Variants in NALCN observed in about 807,000 individuals in gnomAD.
The protein encoded by NALCN is sodium leak channel, non-selective.
In NALCN, 111 loss-of-function variants were observed where a neutral mutation model predicts 225.3. That is an observed-to-expected ratio of 0.49 (90% CI 0.42 to 0.58). The LOEUF is 0.58. Ranked by LOEUF, NALCN falls within the 20% of genes least tolerant of loss-of-function variation. NALCN has a pLI of 0.00. For synonymous variants in NALCN, 764 were observed against 769.0 expected, an observed-to-expected ratio of 0.99 and a Z score of 0.11; for missense variants, 1,378 against 2,202.4, an observed-to-expected ratio of 0.63 and a Z score of 7.49.
chr13:101,104,299 T>C lies in NALCN; in HGVS notation c.2885A>G (p.Tyr962Cys). The part of the protein sequence containing the change: ...DFGGVMDIFI[Y>C]LVSLIFLCWM... ...AGGCAATAAGCAAAGACTTACAAGA[T>C]ATATAAATATGTCCATTACTCCACC... Residue 962 changes from tyrosine (Y) to cysteine (C), a missense_variant, in exon 25 of 44, where the codon TAT becomes TGT. Around this residue, in one of 19 missense-constraint regions of NALCN, gnomAD observed 292 missense variants for 409.5 expected, o/e 0.71. Coordinates refer to ENST00000251127, the MANE Select transcript of NALCN (RefSeq NM_052867.4). The surrounding 1 kb of genome is among the most constrained non-coding windows in gnomAD (Gnocchi z 4.2). The C allele has an allele frequency of 6.3e-7, 1 of 1,595,032 alleles. No individual in the cohort carries two copies. Among genetic ancestry groups the C allele is most frequent in the Non-Finnish European group, 8.5e-7 (1 of 1,174,732 alleles).
chr13:101,156,457 C>G (rs2037906441), intron 15 of NALCN, among the ~76,000 whole-genome samples: 1 of 152,152 alleles, frequency 6.6e-6, no homozygotes, highest in Non-Finnish European at 1.5e-5. Flanking sequence ...CACACACTCT[C>G]TCACATTTAC....
intron 13 of NALCN, among the ~76,000 whole-genome samples, chr13:101,213,630 G>T (rs561403102): frequency 6.6e-6 from 1 of 152,208 alleles, no homozygotes; most frequent in South Asian, 2.1e-4. Context: ...AAAAGTGGGC[G>T]AAGGATATGA....
At chr13:101,196,121 C>T (rs1408645782) in intron 13 of NALCN, among the ~76,000 whole-genome samples, 2 of 152,204 alleles carry the variant, frequency 1.3e-5, no homozygotes, top group Admixed American at 6.5e-5. Context: ...CCATTAATTG[C>T]TCAGAATCTG....
chr13:101,282,441 G>C (rs2043197970), intron 10 of NALCN, among the ~76,000 whole-genome samples: 1 of 152,088 alleles, frequency 6.6e-6, no homozygotes, highest in Non-Finnish European at 1.5e-5. Context: ...ATTTATATAT[G>C]GAATCTCAAA....
chr13:101,154,087 C>T (rs1259573926), intron 15 of NALCN, among the ~76,000 whole-genome samples: 1 of 152,160 alleles, frequency 6.6e-6, no homozygotes, highest in Admixed American at 6.5e-5. Flanking sequence ...GCAGTAAACA[C>T]GCGTGCTGGA....
intron 10 of NALCN, among the ~76,000 whole-genome samples, chr13:101,269,211 C>CATATATATATATATATATATATAT (rs60240326): frequency 4.1e-4 from 60 of 145,536 alleles, no homozygotes; most frequent in South Asian, 9.0e-4. Context: ...AGAAAAAGCT[C>CATATATATATATATATATATATAT]ATATATATAT....
intron 35 of NALCN, 55 bp downstream of exon 35, chr13:101,075,818 T>G: frequency 6.9e-7 from 1 of 1,444,898 alleles, no homozygotes; most frequent in Non-Finnish European, 9.5e-7. Flanking sequence ...TAATCACCAT[T>G]CTTTCATTAA....
intron 37 of NALCN, among the ~76,000 whole-genome samples, chr13:101,072,836 G>A (rs2139462014): frequency 6.6e-6 from 1 of 152,272 alleles, no homozygotes; most frequent in East Asian, 1.9e-4. Flanking sequence ...CAGTTCCTCA[G>A]TTGTGTTAGC....
chr13:101,328,022 A>C (rs1196637361), intron 7 of NALCN, among the ~76,000 whole-genome samples: 1 of 152,092 alleles, frequency 6.6e-6, no homozygotes, highest in African/African-American at 2.4e-5. Flanking sequence ...TTGCGATAAA[A>C]CTTTGTTTAC....
chr13:101,083,846 TG>T, intron 30 of NALCN, 42 bp from the exon 31 acceptor site: 1 of 1,588,220 alleles, frequency 6.3e-7, no homozygotes, highest in South Asian at 1.1e-5. Context: ...TTTTGTCATG[TG>T]CTTGCACCAA....
intron 18 of NALCN, among the ~76,000 whole-genome samples, chr13:101,121,798 G>A (rs1361943812): frequency 6.6e-6 from 1 of 152,112 alleles, no homozygotes; most frequent in Non-Finnish European, 1.5e-5. Context: ...AGGAACCTTG[G>A]CAGAGTTTAA....
At chr13:101,206,849 G>A (rs1594435002) in intron 13 of NALCN, among the ~76,000 whole-genome samples, 1 of 151,556 alleles carries the variant, frequency 6.6e-6, no homozygotes. Flanking sequence ...GAATTCAGCT[G>A]CAAATATAGT....
At chr13:101,185,508 T>A (rs2039411648) in intron 14 of NALCN, among the ~76,000 whole-genome samples, 1 of 152,172 alleles carries the variant, frequency 6.6e-6, no homozygotes, top group Non-Finnish European at 1.5e-5. Flanking sequence ...ATAGTCCCTA[T>A]CCCCAAATCA....
chr13:101,271,686 ATG>A (rs917038252), intron 10 of NALCN, among the ~76,000 whole-genome samples: 5 of 151,740 alleles, frequency 3.3e-5, no homozygotes, highest in Non-Finnish European at 7.4e-5. Flanking sequence ...GTGTTTGTGC[ATG>A]TGTGTGTGCA....
chr13:101,141,296 C>T (rs2037066392), intron 17 of NALCN, among the ~76,000 whole-genome samples: 1 of 152,060 alleles, frequency 6.6e-6, no homozygotes, highest in Admixed American at 6.5e-5. Flanking sequence ...CTTCTGAACT[C>T]CAAGGATACA....
rs1274221921 is a variant in NALCN at position 101,254,818 on chromosome 13, G to A, written c.1266+3625C>T. On this transcript the variant is annotated intron_variant, in intron 11 of 43. Transcript: ENST00000251127. ...AGGCAGGAGAATGGCGTGAACCCGG[G>A]AGGCGGAGCTTGCAGTGAGCCGAGA... is the stretch of plus-strand genomic sequence containing the variant. Among the ~76,000 whole-genome samples the A allele has an allele frequency of 4.0e-5, 3 of 75,646 alleles. No individual in the cohort carries two copies. In the East Asian group the frequency reaches 9.2e-4, roughly 23 times the overall value. 49.6% of individuals were successfully genotyped at this position (75,646 alleles called of 152,430 possible). A position where few individuals can be genotyped will look rare whatever the true frequency, so the allele number is the denominator to read the frequency against.
At chr13:101,077,296 C>T (rs1000634720) in intron 34 of NALCN, among the ~76,000 whole-genome samples, 1 of 152,138 alleles carries the variant, frequency 6.6e-6, no homozygotes, top group South Asian at 2.1e-4. Flanking sequence ...TGGGGGGCTA[C>T]TATAAGGATA....
intron 14 of NALCN, among the ~76,000 whole-genome samples, chr13:101,187,052 C>G (rs889983080): frequency 6.6e-6 from 1 of 151,946 alleles, no homozygotes; most frequent in African/African-American, 2.4e-5. Flanking sequence ...TACAGTAGGC[C>G]CCCCCCTTAT....
rs376126516 is a variant in NALCN, at chr13:101,395,137, T to G, written c.291+46A>C. ...AAATATGATTAAAGGGATTAAGACT[T>G]TCAACACATTTAGGTTCTTAGTTTA... On this transcript the variant is annotated intron_variant, in intron 3 of 43. Transcript: ENST00000251127. 2.1e-5 allele frequency: 32 copies of G among 1,551,476 alleles called. No homozygotes were observed. The African/African-American group carries it at 3.8e-4, about 19-fold the overall frequency.
Sources: gnomAD v4.1 joint callset for allele counts (sites outside exome capture counted in the v4.1 genomes callset) on GRCh38, gnomAD v4.1.1 for gene constraint, gnomAD v4.1.1 regional missense constraint, Gnocchi (gnomAD v3.1) non-coding constraint, MANE v1.5 for transcripts, NCBI Gene and HGNC (gene_info 2026-07-23, HGNC 2026-07-21) for gene names.